SLC18B1: variants seen among roughly 807,000 people sequenced by gnomAD.
The protein encoded by SLC18B1 is MFS-type transporter SLC18B1.
A neutral mutation model predicts 53.9 loss-of-function variants in SLC18B1; 62 were observed. That is an observed-to-expected ratio of 1.15 (90% CI 0.94 to 1.42). SLC18B1 has a LOEUF of 1.42. Ranked by LOEUF, SLC18B1 falls within the 40% of genes most tolerant of loss-of-function variation. The pLI is 0.00. For synonymous variants in SLC18B1, 217 were observed against 200.9 expected, an observed-to-expected ratio of 1.08 and a Z score of -0.68; for missense variants, 598 against 547.3, an observed-to-expected ratio of 1.09 and a Z score of -0.93.
intron 7 of SLC18B1, 115 bp from the exon 8 acceptor site, chr6:132,776,544 T>C: frequency 1.4e-6 from 1 of 712,908 alleles, no homozygotes. Flanking sequence ...CTAATAATAT[T>C]CTGCATTTTC....
chr6:132,774,622 T>C (rs1463973861), intron 8 of SLC18B1, among the ~76,000 whole-genome samples: 1 of 152,078 alleles, frequency 6.6e-6, no homozygotes. Flanking sequence ...TAAAAAGCAG[T>C]AACCGGCCAG....
chr6:132,790,072 A>G (rs1191176659), intron 3 of SLC18B1, 105 bp downstream of exon 3: 1 of 863,926 alleles, frequency 1.2e-6, no homozygotes, highest in East Asian at 2.7e-5. Flanking sequence ...ATAAAACTAT[A>G]ACGATGGCTA....
At position 132,793,408 on chromosome 6, in the gene SLC18B1, C is replaced by T. The variant is rs565068923; in HGVS notation, c.184-3136G>A. ...AAAGTTAGAATGTTCTCTCTCCTGC[C>T]TCTATCTCCTTTCTTTCAGCCTTCC... On this transcript the variant is annotated intron_variant, in intron 2 of 13. Transcript: ENST00000275227. Among the ~76,000 whole-genome samples, 4 of 152,338 alleles carry T rather than the reference C, an allele frequency of 2.6e-5. No homozygotes were observed. The East Asian group carries it at 5.8e-4, about 22-fold the overall frequency.
chr6:132,774,028 A>C (rs1248201368), intron 9 of SLC18B1, among the ~76,000 whole-genome samples, 194 bp downstream of exon 9: 1 of 152,210 alleles, frequency 6.6e-6, no homozygotes, highest in East Asian at 1.9e-4. Context: ...GATTTTATGC[A>C]TTTTTTTCTG....
At chr6:132,790,318 T>A (rs1430674842) in intron 2 of SLC18B1, 46 bp from the exon 3 acceptor site, 4 of 1,374,198 alleles carry the variant, frequency 2.9e-6, no homozygotes, top group Admixed American at 5.2e-5. Flanking sequence ...AAAAATTAGA[T>A]CAATATGAAA....
Position 132,787,326 on chromosome 6 carries a change from G to C in SLC18B1, c.501+108C>G, listed in dbSNP as rs1474456826. The C allele has an allele frequency of 7.2e-6, 8 of 1,106,400 alleles. No homozygotes were observed. In the Middle Eastern group the frequency reaches 8.6e-4, roughly 119 times the overall value. 68.5% of individuals were successfully genotyped at this position (1,106,400 alleles called of 1,614,324 possible). On this transcript the variant is annotated intron_variant, in intron 5 of 13. Transcript: ENST00000275227. The stretch of plus-strand genomic sequence containing the variant: ...GGGTGAAAGGCAACAATAATACAGA[G>C]AGTAGAGAAATGCAAGTATAGAAGA...
chr6:132,779,517 A>G, intron 6 of SLC18B1, 113 bp from the exon 7 acceptor site: 1 of 1,204,020 alleles, frequency 8.3e-7, no homozygotes, highest in Non-Finnish European at 1.1e-6. Context: ...AAAATGACTC[A>G]ATCTCTGAGT....
In SLC18B1 at chr6:132,797,076, G is replaced by A. The variant is rs200561155; in HGVS notation, c.89C>T (p.Ser30Leu). The part of the protein sequence containing the change: ...GSAGETPGWL[S>L]REQVFVLISA... ...TATCAGTACAAAAACCTGTTCTCTC[G>A]AAAGCCACCCGGGGGTCTCTCCTGC... Residue 30 changes from serine (S) to leucine (L), a missense_variant, in exon 2 of 14, where the codon TCG becomes TTG. By Grantham distance (145) the Ser-to-Leu change is moderately radical. Coordinates refer to ENST00000275227, the MANE Select transcript of SLC18B1 (RefSeq NM_052831.3). 5.0e-6 allele frequency: 8 copies of A among 1,614,082 alleles called. No individual in the cohort carries two copies. The East Asian group carries it at 1.6e-4, about 31-fold the overall frequency.
chr6:132,792,225 C>CAAGAA (rs553756627), intron 2 of SLC18B1, among the ~76,000 whole-genome samples: 10 of 44,548 alleles, frequency 2.2e-4, no homozygotes, highest in South Asian at 1.9e-3. Flanking sequence ...AAGACACTGT[C>CAAGAA]AGAAAGAAAG....
intron 10 of SLC18B1, 71 bp from the exon 11 acceptor site, chr6:132,772,277 GATCA>G: frequency 1.2e-6 from 1 of 849,682 alleles, no homozygotes; most frequent in Non-Finnish European, 1.8e-6. Flanking sequence ...TTGTATGATA[GATCA>G]ATTAAGATAA....
chr6:132,773,590 A>C (rs1582853849), intron 9 of SLC18B1, among the ~76,000 whole-genome samples: 3 of 152,332 alleles, frequency 2.0e-5, no homozygotes, highest in Admixed American at 2.0e-4. Context: ...TACTATTATC[A>C]GCTCCTTTTT....
intron 6 of SLC18B1, among the ~76,000 whole-genome samples, chr6:132,781,682 G>A (rs574886909): frequency 2.0e-5 from 3 of 151,558 alleles, no homozygotes; most frequent in East Asian, 2.0e-4. Flanking sequence ...GCTTGAACCC[G>A]GGAGGCGGAG....
chr6:132,773,081 A>G lies in SLC18B1; in HGVS notation c.997T>C (p.Trp333Arg). ...VPILHIKSQL[W>R]LLVLILVVSG... ...ACAACTAATATCAGCACCAGCAGCC[A>G]GAGCTGACTGCAAAAGGGTTTTGGA... The change falls in exon 10 of 14, where the codon TGG (tryptophan) becomes CGG (arginine). Residue 333 changes from tryptophan to arginine, a missense_variant. Trp to Arg is a moderately radical substitution (Grantham distance 101). Coordinates refer to ENST00000275227, the MANE Select transcript of SLC18B1 (RefSeq NM_052831.3). 1 of 1,612,812 alleles carries G rather than the reference A, an allele frequency of 6.2e-7. No individual in the cohort carries two copies. The highest frequency in any genetic ancestry group is 8.5e-7 in the Non-Finnish European group (1 of 1,178,880).
At chr6:132,777,266 T>G (rs1781122144) in intron 7 of SLC18B1, among the ~76,000 whole-genome samples, 1 of 151,906 alleles carries the variant, frequency 6.6e-6, no homozygotes, top group Admixed American at 6.6e-5. Context: ...TCTGATATAG[T>G]CCATCATCAG....
In SLC18B1 at chr6:132,790,349, G is replaced by A. The variant is rs1011805354; in HGVS notation, c.184-77C>T. The stretch of plus-strand genomic sequence containing the variant: ...TGAAAAAATGGAAATAATAGATCAG[G>A]GCATCATCTTCTTGTGAACTTTATC... On this transcript the variant is annotated intron_variant, in intron 2 of 13. Coordinates refer to ENST00000275227, the MANE Select transcript of SLC18B1 (RefSeq NM_052831.3). 4.1e-6 allele frequency: 4 copies of A among 983,702 alleles called. No individual in the cohort carries two copies. The African/African-American group carries it at 5.0e-5, about 12-fold the overall frequency. 60.9% of individuals were successfully genotyped at this position (983,702 alleles called of 1,614,324 possible).
chr6:132,793,315 A>C (rs72996130), intron 2 of SLC18B1, among the ~76,000 whole-genome samples: 5,511 of 152,354 alleles, frequency 0.036, 140 homozygotes, highest in Non-Finnish European at 0.056. Flanking sequence ...TCACCAATGC[A>C]TTTGTTGACC....
chr6:132,770,429 C>T, intron 13 of SLC18B1, 93 bp from the exon 14 acceptor site: 1 of 1,148,190 alleles, frequency 8.7e-7, no homozygotes, highest in Non-Finnish European at 1.3e-6. Flanking sequence ...CTCCATCCAA[C>T]TATCTTTTTA....
chr6:132,784,843 C>G (rs927864158), intron 5 of SLC18B1, among the ~76,000 whole-genome samples: 2 of 151,972 alleles, frequency 1.3e-5, no homozygotes, highest in African/African-American at 4.8e-5. Flanking sequence ...GTAAGTAAAC[C>G]AGGTTATATC....
chr6:132,777,149 G>A (rs941609050), intron 7 of SLC18B1, among the ~76,000 whole-genome samples: 9 of 152,162 alleles, frequency 5.9e-5, no homozygotes, highest in African/African-American at 2.2e-4. Flanking sequence ...GTGGAGGCAG[G>A]AGAATTGCTT....
Sources: allele counts gnomAD v4.1 joint callset (sites outside exome capture counted in the v4.1 genomes callset), GRCh38; gene constraint gnomAD v4.1.1; transcripts MANE v1.5; gene names NCBI Gene and HGNC (gene_info 2026-07-23, HGNC 2026-07-21).